Variants in TBC1D22A observed in about 807,000 individuals in gnomAD.
The protein encoded by TBC1D22A is putative GTPase activator.
In TBC1D22A, 38 loss-of-function variants were observed where a neutral mutation model predicts 60.2. The observed-to-expected ratio is 0.63, with a 90% CI of 0.49 to 0.83. The LOEUF (loss-of-function observed/expected upper bound fraction) is 0.83. TBC1D22A is among the 40% of genes least tolerant of loss of function. TBC1D22A has a pLI of 0.00. For synonymous variants in TBC1D22A, 302 were observed against 281.7 expected (o/e 1.07, Z -0.72); for missense variants, 628 against 701.0 (o/e 0.90, Z 1.18).
intron 12 of TBC1D22A, among the ~76,000 whole-genome samples, chr22:47,165,175 G>A (rs766033041): frequency 2.5e-4 from 38 of 152,216 alleles, no homozygotes; most frequent in African/African-American, 7.5e-4. Flanking sequence ...GCCAGGGCTC[G>A]TGATTGCCAG....
intron 12 of TBC1D22A, among the ~76,000 whole-genome samples, chr22:47,157,523 C>A (rs543731612): frequency 1.3e-4 from 20 of 152,234 alleles, no homozygotes; most frequent in Non-Finnish European, 2.8e-4. Context: ...GGTTCTCCCA[C>A]CTTGCCTACC....
At chr22:46,832,621 G>A (rs1429934088) in intron 4 of TBC1D22A, among the ~76,000 whole-genome samples, 1 of 152,094 alleles carries the variant, frequency 6.6e-6, no homozygotes, top group Non-Finnish European at 1.5e-5. Context: ...ACTCCAGCCT[G>A]GGCAACAAGA....
chr22:46,997,530 G>A (rs1162060986), intron 9 of TBC1D22A, 104 bp from the exon 10 acceptor site: 4 of 834,878 alleles, frequency 4.8e-6, no homozygotes, highest in African/African-American at 1.7e-5. Flanking sequence ...TTGTGAATTC[G>A]TCCTATTATA....
chr22:46,879,017 C>T (rs1292397669), intron 5 of TBC1D22A, among the ~76,000 whole-genome samples: 1 of 151,880 alleles, frequency 6.6e-6, no homozygotes, highest in African/African-American at 2.4e-5. Context: ...AGAAAGGTTT[C>T]AGCATAGATG....
chr22:46,968,811 G>A (rs1036647339), intron 8 of TBC1D22A, among the ~76,000 whole-genome samples: 15 of 152,190 alleles, frequency 9.9e-5, no homozygotes, highest in African/African-American at 1.9e-4. Context: ...ACAGCTTTTC[G>A]CATATTGCAG....
At chr22:46,770,717 C>G (rs978758603) in intron 1 of TBC1D22A, among the ~76,000 whole-genome samples, 2 of 152,256 alleles carry the variant, frequency 1.3e-5, no homozygotes, top group African/African-American at 2.4e-5. Context: ...AGCCCTGCCT[C>G]TTTCCTCAGA....
intron 1 of TBC1D22A, among the ~76,000 whole-genome samples, chr22:46,770,057 G>A (rs890985603): frequency 2.0e-5 from 3 of 152,176 alleles, no homozygotes; most frequent in East Asian, 1.9e-4. Flanking sequence ...AATTAAGGTC[G>A]CTAATCAGCT....
At chr22:47,101,920 C>G (rs2065432333) in intron 11 of TBC1D22A, among the ~76,000 whole-genome samples, 1 of 152,176 alleles carries the variant, frequency 6.6e-6, no homozygotes, top group Non-Finnish European at 1.5e-5. Context: ...TGCAGGGTAG[C>G]TGAGCACTCC....
chr22:46,819,291 G>C (rs980294802), intron 4 of TBC1D22A, among the ~76,000 whole-genome samples: 2 of 152,292 alleles, frequency 1.3e-5, no homozygotes, highest in Admixed American at 1.3e-4. Flanking sequence ...TGGTGAGAGA[G>C]GGCATCCTTG....
intron 1 of TBC1D22A, among the ~76,000 whole-genome samples, chr22:46,779,551 G>A (rs771164811): frequency 1.2e-4 from 19 of 152,116 alleles, no homozygotes; most frequent in Non-Finnish European, 2.5e-4. Flanking sequence ...GAGCCACAGC[G>A]CCTGGCCAGG....
In TBC1D22A at chr22:47,169,624, C is replaced by T. The variant is rs186869890; in HGVS notation, c.1426-3874C>T. On this transcript the variant is annotated intron_variant, in intron 12 of 12. Coordinates refer to ENST00000337137, the MANE Select transcript of TBC1D22A (RefSeq NM_014346.5). ...ACTCGGTGTCCACTGGAAGGATTCT[C>T]GGCACACAGGCTGATGGAGAAAGGC... is the stretch of plus-strand genomic sequence containing the variant. Among the ~76,000 whole-genome samples the T allele has an allele frequency of 5.6e-3, 850 of 152,282 alleles. 14 individuals are homozygous for T. The highest frequency in any genetic ancestry group is 0.02 in the African/African-American group (815 of 41,560).
chr22:47,173,462 ACCT>A (rs1294227573), intron 12 of TBC1D22A, 33 bp from the exon 13 acceptor site: 1 of 1,608,046 alleles, frequency 6.2e-7, no homozygotes, highest in Admixed American at 1.7e-5. Context: ...ACCGTGGGTC[ACCT>A]CCTCTGACCT....
chr22:46,903,213 T>C (rs1407773738), intron 7 of TBC1D22A, among the ~76,000 whole-genome samples: 1 of 152,118 alleles, frequency 6.6e-6, no homozygotes, highest in East Asian at 1.9e-4. Flanking sequence ...GACCGAGGGC[T>C]GAGGGCCGAG....
chr22:47,112,680 A>G (rs910538), intron 12 of TBC1D22A, among the ~76,000 whole-genome samples: 117,087 of 152,114 alleles, frequency 0.77, 46,027 homozygotes, highest in East Asian at 0.97. Context: ...GGGTGTTCGC[A>G]GGTGGATGGG....
chr22:46,900,478 G>A (rs904336883), intron 7 of TBC1D22A, among the ~76,000 whole-genome samples: 7 of 152,130 alleles, frequency 4.6e-5, no homozygotes, highest in Non-Finnish European at 1.0e-4. Flanking sequence ...GTGTGTACCA[G>A]CTCCCTAATA....
chr22:46,854,079 T>C (rs780316880), intron 4 of TBC1D22A, among the ~76,000 whole-genome samples: 2 of 152,008 alleles, frequency 1.3e-5, no homozygotes, highest in Non-Finnish European at 2.9e-5. Flanking sequence ...GACTTCTTGT[T>C]TTAAACACGC....
At chr22:47,163,022 C>A (rs1350568613) in intron 12 of TBC1D22A, among the ~76,000 whole-genome samples, 3 of 152,256 alleles carry the variant, frequency 2.0e-5, no homozygotes, top group Non-Finnish European at 4.4e-5. Flanking sequence ...TACCCTTTGG[C>A]CCCGGAGACC....
chr22:47,115,600 C>T (rs1884287), intron 12 of TBC1D22A, among the ~76,000 whole-genome samples: 57,711 of 152,036 alleles, frequency 0.38, 11,087 homozygotes, highest in South Asian at 0.52. Flanking sequence ...TGGGTCATTT[C>T]ACAGTAAGAG....
chr22:47,041,004 C>G (rs1377979579), intron 11 of TBC1D22A, among the ~76,000 whole-genome samples: 1 of 152,204 alleles, frequency 6.6e-6, no homozygotes, highest in Non-Finnish European at 1.5e-5. Flanking sequence ...TCCTCACACA[C>G]ATCCTGTGCA....
Sources: allele counts gnomAD v4.1 joint callset (sites outside exome capture counted in the v4.1 genomes callset), GRCh38; gene constraint gnomAD v4.1.1; transcripts MANE v1.5; gene names NCBI Gene and HGNC (gene_info 2026-07-23, HGNC 2026-07-21).